Variants in AHCY observed in about 807,000 individuals in gnomAD.
AHCY encodes the protein adenosylhomocysteinase, also known as S-adenosyl-L-homocysteine hydrolase.
Under a neutral mutation model 45.4 loss-of-function variants are expected in AHCY, and 24 were observed. The ratio of observed to expected loss-of-function variants is 0.53; its 90% CI spans 0.38 to 0.74. The LOEUF (loss-of-function observed/expected upper bound fraction) is 0.74. Among genes scored for constraint, AHCY ranks in the 30% least tolerant of loss-of-function variants. AHCY has a pLI of 0.00. For synonymous variants in AHCY, 245 were observed against 235.1 expected (o/e 1.04, Z -0.39); for missense variants, 449 against 594.1 (o/e 0.76, Z 2.54).
the AHCY span, chr20:34,269,396 G>A: frequency 1.7e-5 from 9 of 537,532 alleles, no homozygotes; most frequent in Non-Finnish European, 2.5e-5. Flanking sequence ...CGGTCCCTTC[G>A]CCACGGAGTC....
chr20:34,245,874 A>C, the AHCY span: 1 of 1,004,842 alleles, frequency 1.0e-6, no homozygotes, highest in Admixed American at 3.1e-5. Context: ...ATATATATAT[A>C]TGTATATATA....
downstream of AHCY, among the ~76,000 whole-genome samples, chr20:34,276,803 T>C (rs2035913571): frequency 1.3e-5 from 2 of 151,968 alleles, no homozygotes; most frequent in Non-Finnish European, 2.9e-5. Context: ...TTGGAGCCAG[T>C]TTGGAGAAGC....
the AHCY span, among the ~76,000 whole-genome samples, chr20:34,235,899 A>AGG: frequency 3.1e-5 from 2 of 64,626 alleles, no homozygotes; most frequent in African/African-American, 5.0e-4. Flanking sequence ...GGAAGGAAGG[A>AGG]AAGGAAGGAA....
the AHCY span, among the ~76,000 whole-genome samples, chr20:34,253,122 T>A: frequency 6.6e-6 from 1 of 152,090 alleles, no homozygotes; most frequent in Non-Finnish European, 1.5e-5. Flanking sequence ...TTTTATTTTT[T>A]TTTTAGACGA....
intron 1 of AHCY, among the ~76,000 whole-genome samples, chr20:34,310,656 T>C (rs986529223): frequency 1.3e-5 from 2 of 152,180 alleles, no homozygotes; most frequent in African/African-American, 4.8e-5. Flanking sequence ...AAATAAATAT[T>C]GGTACAGTCC....
intron 1 of AHCY, among the ~76,000 whole-genome samples, chr20:34,308,476 G>C (rs1188523766): frequency 6.6e-6 from 1 of 152,108 alleles, no homozygotes; most frequent in African/African-American, 2.4e-5. Flanking sequence ...CTTGAATCTG[G>C]GAGGTGGAGG....
chr20:34,262,018 C>T, the AHCY span, among the ~76,000 whole-genome samples: 1 of 151,762 alleles, frequency 6.6e-6, no homozygotes, highest in South Asian at 2.1e-4. Context: ...GAGGCTGAGA[C>T]AGGAAAATCA....
chr20:34,268,515 G>C, the AHCY span, among the ~76,000 whole-genome samples: 4 of 152,216 alleles, frequency 2.6e-5, no homozygotes, highest in Non-Finnish European at 5.9e-5. Flanking sequence ...TTTAGCTCAA[G>C]AGTTTGAGAC....
At position 34,290,779 on chromosome 20, in the gene AHCY, T is replaced by C. The variant is rs747198963; in HGVS notation, c.718A>G (p.Ile240Val). 7.4e-6 allele frequency: 12 copies of C among 1,613,836 alleles called. No homozygotes were observed. The highest frequency in any genetic ancestry group is 4.0e-5 in the African/African-American group (3 of 74,874). The change falls in exon 6 of 10, where the codon ATC becomes GTC. Residue 240 changes from isoleucine (I) to valine (V), a missense_variant. Physicochemically the swap from Ile to Val is conservative, Grantham distance 29. Coordinates refer to ENST00000217426, the MANE Select transcript of AHCY (RefSeq NM_000687.4). This position sits in a 1 kb window ranked among gnomAD's most constrained non-coding sequence, Gnocchi z 4.5. ...QALRGFGARV[I>V]ITEIDPINAL... Reference sequence around the variant, plus strand: ...TTGATGGGGTCAATCTCGGTGATGATGACGCGGGCTCCGAAACCCCGCAGG... The same window carrying C: ...TTGATGGGGTCAATCTCGGTGATGACGACGCGGGCTCCGAAACCCCGCAGG...
the AHCY span, chr20:34,269,053 C>T: frequency 4.4e-6 from 7 of 1,601,740 alleles, no homozygotes; most frequent in Middle Eastern, 1.7e-4. Flanking sequence ...CCTGCGTGGC[C>T]ACCCGCAACA....
Position 34,280,923 on chromosome 20 carries a change from G to T in AHCY, c.*111C>A. The T allele has an allele frequency of 6.7e-7, 1 of 1,500,658 alleles. No homozygotes were observed. Among genetic ancestry groups the T allele is most frequent in the South Asian group, 1.2e-5 (1 of 84,094 alleles). The allele number at this position is 1,500,658 out of a possible 1,614,324, so 93.0% of individuals were successfully genotyped here. A position where few individuals can be genotyped will look rare whatever the true frequency, so the allele number is the denominator to read the frequency against. On this transcript the variant is annotated 3_prime_UTR_variant, in exon 10 of 10. Coordinates refer to ENST00000217426, the MANE Select transcript of AHCY (RefSeq NM_000687.4). ...ACTAAGTGATCAGCCCCAGAGAGTC[G>T]ATGGGGGACACTGACAAACCAATCA...
intron 1 of AHCY, among the ~76,000 whole-genome samples, chr20:34,298,034 G>A (rs1274714716): frequency 6.6e-6 from 1 of 152,128 alleles, no homozygotes; most frequent in African/African-American, 2.4e-5. Flanking sequence ...AGCTACTCAG[G>A]AGGCTGAGGC....
intron 9 of AHCY, among the ~76,000 whole-genome samples, chr20:34,281,969 G>A (rs1304736591): frequency 1.3e-5 from 2 of 152,222 alleles, no homozygotes; most frequent in African/African-American, 4.8e-5. Flanking sequence ...GATTACAGGC[G>A]TGAGCCACCG....
Position 34,285,640 on chromosome 20 carries a change from C to A in AHCY, c.973-6G>T. On this transcript the variant is annotated splice_polypyrimidine_tract_variant and splice_region_variant and intron_variant, in intron 8 of 9. Coordinates refer to ENST00000217426, the MANE Select transcript of AHCY (RefSeq NM_000687.4). ...TTCAACCGATACCGGTCCACCTACACGCAGGCAGGGCAACAGTGAAGGCAG... is the reference window on the plus strand; with the variant it reads ...TTCAACCGATACCGGTCCACCTACAAGCAGGCAGGGCAACAGTGAAGGCAG... 1 of 1,612,436 alleles carries A rather than the reference C, an allele frequency of 6.2e-7. No homozygotes were observed.
the AHCY span, among the ~76,000 whole-genome samples, chr20:34,254,766 A>C: frequency 6.6e-6 from 1 of 152,206 alleles, no homozygotes; most frequent in Non-Finnish European, 1.5e-5. Context: ...ATCTGACCCC[A>C]AGAATCCTAA....
intron 1 of AHCY, among the ~76,000 whole-genome samples, chr20:34,298,861 A>G (rs1191837767): frequency 6.6e-6 from 1 of 152,088 alleles, no homozygotes; most frequent in Non-Finnish European, 1.5e-5. Flanking sequence ...TGCAGAAATA[A>G]TTGCGTAAGC....
chr20:34,299,518 A>G (rs77165295), intron 1 of AHCY, among the ~76,000 whole-genome samples: 16 of 152,228 alleles, frequency 1.1e-4, no homozygotes, highest in African/African-American at 3.9e-4. Context: ...TTACCAATTA[A>G]GCTCATCCAG....
downstream of AHCY, among the ~76,000 whole-genome samples, chr20:34,275,497 G>A (rs140756332): frequency 5.0e-3 from 753 of 152,092 alleles, 6 homozygotes; most frequent in African/African-American, 0.017. Context: ...CCACTACAGC[G>A]AGACTCAGAA....
At position 34,290,663 on chromosome 20, in the gene AHCY, T is replaced by C. The variant is rs373201859; in HGVS notation, c.767-25A>G. On this transcript the variant is annotated intron_variant, in intron 6 of 9. Transcript: ENST00000217426. The surrounding 1 kb of genome is among the most constrained non-coding windows in gnomAD (Gnocchi z 4.5). ...CCTGTGCAGAGACAGTGGCTGTGGG[T>C]CATCTACGGTGGCCTTGCCCCTCCC... is the stretch of plus-strand genomic sequence containing the variant. 1.3e-4 allele frequency: 207 copies of C among 1,613,718 alleles called. No homozygotes were observed. The highest frequency in any genetic ancestry group is 1.7e-4 in the Non-Finnish European group (203 of 1,179,916).
Sources: allele counts gnomAD v4.1 joint callset (sites outside exome capture counted in the v4.1 genomes callset), GRCh38; gene constraint gnomAD v4.1.1; non-coding constraint Gnocchi (gnomAD v3.1); transcripts MANE v1.5; gene names NCBI Gene and HGNC (gene_info 2026-07-23, HGNC 2026-07-21).